The following MTMR12 variants were observed in gnomAD, a reference collection of about 807,000 sequenced individuals.
MTMR12 encodes myotubularin-related protein 12.
In MTMR12, 33 loss-of-function variants were observed where a neutral mutation model predicts 96.7. That is an observed-to-expected ratio of 0.34 (90% CI 0.26 to 0.46). The LOEUF (loss-of-function observed/expected upper bound fraction) is 0.46. Among genes scored for constraint, MTMR12 ranks in the 20% least tolerant of loss-of-function variants. The pLI is 1.00. For synonymous variants in MTMR12, 298 were observed against 327.2 expected (o/e 0.91, Z 0.96); for missense variants, 721 against 896.1 (o/e 0.80, Z 2.49).
intron 9 of MTMR12, 40 bp downstream of exon 9, chr5:32,248,732 C>A: frequency 1.3e-6 from 2 of 1,517,806 alleles, no homozygotes; most frequent in Admixed American, 1.7e-5. Flanking sequence ...TCTTGGAAAA[C>A]AAGAACTGAA....
At chr5:32,280,320 T>G (rs1750244601) in intron 1 of MTMR12, among the ~76,000 whole-genome samples, 1 of 152,192 alleles carries the variant, frequency 6.6e-6, no homozygotes, top group Non-Finnish European at 1.5e-5. Context: ...ATTAATTTTA[T>G]CCAGCCAGAG....
At chr5:32,270,086 T>C (rs1034241147) in intron 5 of MTMR12, among the ~76,000 whole-genome samples, 4 of 152,130 alleles carry the variant, frequency 2.6e-5, no homozygotes, top group African/African-American at 9.7e-5. Flanking sequence ...GGCCTCCTGA[T>C]AGGTTTCCCC....
At chr5:32,244,676 AGAAT>A (rs1159088423) in intron 10 of MTMR12, among the ~76,000 whole-genome samples, 1 of 152,276 alleles carries the variant, frequency 6.6e-6, no homozygotes, top group Non-Finnish European at 1.5e-5. Context: ...AAATAAAACT[AGAAT>A]GAGTGTCCTT....
At chr5:32,306,036 C>T (rs998647951) in intron 1 of MTMR12, among the ~76,000 whole-genome samples, 1 of 152,080 alleles carries the variant, frequency 6.6e-6, no homozygotes, top group Non-Finnish European at 1.5e-5. Flanking sequence ...TCAGCAGTTA[C>T]CTGGTTGACA....
intron 1 of MTMR12, among the ~76,000 whole-genome samples, chr5:32,301,036 C>T (rs978715356): frequency 6.6e-6 from 1 of 152,148 alleles, no homozygotes; most frequent in Non-Finnish European, 1.5e-5. Context: ...GATCTCGCCA[C>T]TGCACTGCAG....
At chr5:32,282,469 T>A (rs1043256898) in intron 1 of MTMR12, among the ~76,000 whole-genome samples, 3 of 146,734 alleles carry the variant, frequency 2.0e-5, no homozygotes, top group East Asian at 2.0e-4. Context: ...ATAAATAAAA[T>A]AAAAAATAAA....
intron 7 of MTMR12, among the ~76,000 whole-genome samples, chr5:32,261,662 G>A (rs77927207): frequency 0.016 from 2,484 of 152,324 alleles, 31 homozygotes; most frequent in East Asian, 0.033. Context: ...CTCCAAGAGG[G>A]CAGAGGTTTT....
chr5:32,287,864 T>A (rs560004788), intron 1 of MTMR12, among the ~76,000 whole-genome samples: 71 of 152,290 alleles, frequency 4.7e-4, no homozygotes, highest in African/African-American at 1.7e-3. Flanking sequence ...TTTGACCATA[T>A]GTGGAGAACC....
rs1238181040 is a variant in MTMR12 at position 32,228,536 on chromosome 5, T to C, written c.*1242A>G. The C allele has an allele frequency of 7.1e-6, 1 of 140,398 alleles. No homozygotes were observed. The allele number at this position is 140,398 out of a possible 1,614,324, so 8.7% of individuals were successfully genotyped here. A position where few individuals can be genotyped will look rare whatever the true frequency, so the allele number is the denominator to read the frequency against. On this transcript the variant is annotated 3_prime_UTR_variant, in exon 16 of 16. Transcript: ENST00000382142. Reference sequence around the variant, plus strand: ...AAAAAAATATATATCATATATATGATATATATATCATATATATGTGATATA... The same window carrying C: ...AAAAAAATATATATCATATATATGACATATATATCATATATATGTGATATA...
In MTMR12 at chr5:32,276,702, A is replaced by C. The variant is rs373130407; in HGVS notation, c.122T>G (p.Val41Gly). ...TNEKEVTEKE[V>G]TLHLLPGEQL... ...GTTACCTGGCAACAAGTGAAGAGTT[A>C]CTTCCTTCTCTGTTACTTCCTTTTC... Residue 41 changes from valine to glycine, a missense_variant, in exon 2 of 16, where the codon GTA becomes GGA. Transcript: ENST00000382142. 3 of 1,613,778 alleles carry C rather than the reference A, an allele frequency of 1.9e-6. No homozygotes were observed. Among genetic ancestry groups the C allele is most frequent in the African/African-American group, 1.3e-5 (1 of 74,908 alleles).
At chr5:32,275,561 A>C (rs1438104571) in intron 2 of MTMR12, among the ~76,000 whole-genome samples, 1 of 152,218 alleles carries the variant, frequency 6.6e-6, no homozygotes, top group East Asian at 1.9e-4. Context: ...TGCCATAATC[A>C]GCTGGTTTAT....
chr5:32,254,489 C>G (rs1161581579), intron 8 of MTMR12, among the ~76,000 whole-genome samples: 3 of 152,162 alleles, frequency 2.0e-5, no homozygotes, highest in Non-Finnish European at 2.9e-5. Context: ...GTGACCAACT[C>G]TGTCCCCAAA....
chr5:32,307,240 T>C (rs1751398479), intron 1 of MTMR12, among the ~76,000 whole-genome samples: 1 of 152,228 alleles, frequency 6.6e-6, no homozygotes, highest in Non-Finnish European at 1.5e-5. Context: ...AGAATGCTTA[T>C]GGCTTCTGAA....
chr5:32,284,291 C>A (rs1249514066), intron 1 of MTMR12, among the ~76,000 whole-genome samples: 4 of 136,346 alleles, frequency 2.9e-5, no homozygotes, highest in African/African-American at 8.7e-5. Flanking sequence ...GTACTCCAGC[C>A]TGGGTGACAG....
At chr5:32,247,807 G>A (rs1748758288) in intron 10 of MTMR12, 195 bp downstream of exon 10, 1 of 984,898 alleles carries the variant, frequency 1.0e-6, no homozygotes, top group Non-Finnish European at 1.2e-6. Flanking sequence ...TAAGGAGGCG[G>A]GGAGGGAAAG....
intron 2 of MTMR12, 81 bp from the exon 3 acceptor site, chr5:32,274,203 T>A (rs1294111265): frequency 7.4e-6 from 11 of 1,489,506 alleles, no homozygotes; most frequent in African/African-American, 1.4e-5. Context: ...TCCAGCCCTA[T>A]TTACATAAGG....
intron 1 of MTMR12, among the ~76,000 whole-genome samples, chr5:32,307,174 T>A (rs1751396527): frequency 6.6e-6 from 1 of 152,208 alleles, no homozygotes. Context: ...TTGTTTATGT[T>A]TATAATCGTT....
At chr5:32,305,374 C>T (rs997934715) in intron 1 of MTMR12, among the ~76,000 whole-genome samples, 5 of 152,022 alleles carry the variant, frequency 3.3e-5, no homozygotes, top group East Asian at 1.9e-4. Flanking sequence ...TGTGAGCCAC[C>T]GCTCCTGGCC....
intron 1 of MTMR12, among the ~76,000 whole-genome samples, chr5:32,295,993 A>C (rs1029232627): frequency 1.4e-4 from 22 of 151,820 alleles, no homozygotes; most frequent in African/African-American, 5.3e-4. Context: ...ATCTCTACTA[A>C]AAATACAAAA....
Sources: gnomAD v4.1 joint callset for allele counts (sites outside exome capture counted in the v4.1 genomes callset) on GRCh38, gnomAD v4.1.1 for gene constraint, MANE v1.5 for transcripts, NCBI Gene and HGNC (gene_info 2026-07-23, HGNC 2026-07-21) for gene names.